PPP2R2C: variants seen among roughly 807,000 people sequenced by gnomAD.
The protein encoded by PPP2R2C is protein phosphatase 2, regulatory subunit B, gamma.
In PPP2R2C, 10 loss-of-function variants were observed where a neutral mutation model predicts 45.3. The ratio of observed to expected loss-of-function variants is 0.22; its 90% CI spans 0.14 to 0.37. The LOEUF is 0.37. PPP2R2C is among the 10% of genes least tolerant of loss of function. The pLI, the probability that PPP2R2C is intolerant of heterozygous loss-of-function variation, is 1.00. For missense variants in PPP2R2C, 308 were observed against 619.7 expected (o/e 0.50, Z 5.34); for synonymous variants, 257 against 245.4 (o/e 1.05, Z -0.44).
At chr4:6,390,873 C>T (rs531815181) in intron 1 of PPP2R2C, among the ~76,000 whole-genome samples, 1 of 152,240 alleles carries the variant, frequency 6.6e-6, no homozygotes, top group African/African-American at 2.4e-5. Context: ...TGAAGAACCC[C>T]CACATTTCAT....
intron 5 of PPP2R2C, among the ~76,000 whole-genome samples, chr4:6,369,347 A>G (rs1480098967): frequency 6.6e-6 from 1 of 152,096 alleles, no homozygotes; most frequent in Non-Finnish European, 1.5e-5. Flanking sequence ...TTTTATTCCC[A>G]CCATTTTGTG....
intron 2 of PPP2R2C, among the ~76,000 whole-genome samples, chr4:6,487,565 G>T (rs1232724405): frequency 6.6e-6 from 1 of 151,946 alleles, no homozygotes; most frequent in African/African-American, 2.4e-5. Flanking sequence ...AGAGAAATCT[G>T]CTGTAATCCA....
rs1715547255 is a variant in PPP2R2C at position 6,378,723 on chromosome 4, T to C, written c.169-151A>G. ...GGGTCAAATGAAACTCTCTGCAGCT[T>C]AACCGGCCCATGACTTGCAGTGTGC... On this transcript the variant is annotated intron_variant, in intron 2 of 8. Coordinates refer to ENST00000382599, the MANE Select transcript of PPP2R2C (RefSeq NM_020416.4). This position sits in a 1 kb window ranked among gnomAD's most constrained non-coding sequence, Gnocchi z 5.2. 1 of 856,786 alleles carries C rather than the reference T, an allele frequency of 1.2e-6. No individual in the cohort carries two copies. The highest frequency in any genetic ancestry group is 1.7e-5 in the African/African-American group (1 of 58,996). The allele number at this position is 856,786 out of a possible 1,614,324, so 53.1% of individuals were successfully genotyped here. A position where few individuals can be genotyped will look rare whatever the true frequency, so the allele number is the denominator to read the frequency against.
intron 2 of PPP2R2C, among the ~76,000 whole-genome samples, chr4:6,495,178 G>A (rs1291858600): frequency 6.6e-6 from 1 of 152,226 alleles, no homozygotes; most frequent in Non-Finnish European, 1.5e-5. Context: ...CACAGTGTGG[G>A]GTGAGTATCA....
At chr4:6,373,853 G>C (rs1467248406) in intron 4 of PPP2R2C, among the ~76,000 whole-genome samples, 5 of 152,138 alleles carry the variant, frequency 3.3e-5, no homozygotes, top group Non-Finnish European at 1.5e-5. Flanking sequence ...GCATATGAGT[G>C]TGCATGTGAG....
chr4:6,350,540 T>C, intron 5 of PPP2R2C: 2 of 985,238 alleles, frequency 2.0e-6, no homozygotes, highest in Non-Finnish European at 2.4e-6. Flanking sequence ...GTTTGCGTCA[T>C]CAGGACACTC....
At chr4:6,417,626 C>T (rs779299390) in intron 1 of PPP2R2C, among the ~76,000 whole-genome samples, 1 of 152,264 alleles carries the variant, frequency 6.6e-6, no homozygotes, top group Non-Finnish European at 1.5e-5. Flanking sequence ...TAAACATGTT[C>T]TCCTGCTGAG....
chr4:6,335,685 C>A (rs1239075045), intron 6 of PPP2R2C, among the ~76,000 whole-genome samples: 1 of 151,760 alleles, frequency 6.6e-6, no homozygotes, highest in Non-Finnish European at 1.5e-5. Flanking sequence ...GCCAGGGCTG[C>A]AGAGCCCAGG....
At chr4:6,487,986 T>G (rs574230515) in intron 2 of PPP2R2C, among the ~76,000 whole-genome samples, 2 of 152,230 alleles carry the variant, frequency 1.3e-5, no homozygotes, top group Admixed American at 1.3e-4. Flanking sequence ...GCTAATCTTT[T>G]GTTCTGCAAT....
chr4:6,445,685 C>T (rs1367742874), intron 1 of PPP2R2C, among the ~76,000 whole-genome samples: 2 of 152,202 alleles, frequency 1.3e-5, no homozygotes, highest in Non-Finnish European at 2.9e-5. Context: ...CACCACGGTA[C>T]TCTAGTCTGG....
chr4:6,509,448 A>G (rs1309129221), intron 2 of PPP2R2C, among the ~76,000 whole-genome samples: 1 of 151,764 alleles, frequency 6.6e-6, no homozygotes, highest in Non-Finnish European at 1.5e-5. Context: ...CAATAACTGC[A>G]ATGAAAAAAA....
chr4:6,525,896 G>A (rs916231065), intron 2 of PPP2R2C, among the ~76,000 whole-genome samples: 5 of 152,108 alleles, frequency 3.3e-5, no homozygotes, highest in Admixed American at 6.5e-5. Context: ...TAGATACAGC[G>A]TTTCACCATG....
At chr4:6,517,113 A>T (rs1723850459) in intron 2 of PPP2R2C, among the ~76,000 whole-genome samples, 1 of 152,170 alleles carries the variant, frequency 6.6e-6, no homozygotes, top group Non-Finnish European at 1.5e-5. Flanking sequence ...GGAGACCCTG[A>T]TGCCAATATG....
At chr4:6,483,414 T>A (rs534357647) in intron 2 of PPP2R2C, among the ~76,000 whole-genome samples, 4 of 152,230 alleles carry the variant, frequency 2.6e-5, no homozygotes, top group African/African-American at 9.6e-5. Context: ...AGTTCCAGTT[T>A]CTCCATATCC....
At chr4:6,326,288 TGGAGAGAAGAAAACGGCC>T (rs1731931061) in intron 8 of PPP2R2C, among the ~76,000 whole-genome samples, 1 of 151,422 alleles carries the variant, frequency 6.6e-6, no homozygotes, top group Admixed American at 6.6e-5. Flanking sequence ...TGGGGAAGCA[TGGAGAGAAGAAAACGGCC>T]GGAGAGAAAA....
chr4:6,425,153 G>A (rs867321339), intron 1 of PPP2R2C, among the ~76,000 whole-genome samples: 1 of 152,158 alleles, frequency 6.6e-6, no homozygotes, highest in African/African-American at 2.4e-5. Flanking sequence ...GAGAGTCAGG[G>A]GGCCTTCCCT....
At chr4:6,452,398 A>C (rs1307898067) in intron 1 of PPP2R2C, among the ~76,000 whole-genome samples, 2 of 152,030 alleles carry the variant, frequency 1.3e-5, no homozygotes. Context: ...TCACTGTCCT[A>C]GGTCTTTGTG....
intron 1 of PPP2R2C, 131 bp downstream of exon 1, chr4:6,472,024 GTGGGA>G (rs1560572986): frequency 9.3e-7 from 1 of 1,074,966 alleles, no homozygotes; most frequent in Non-Finnish European, 1.3e-6. Context: ...GTGGGGTGGG[GTGGGA>G]TGGGGTGGGG....
intron 5 of PPP2R2C, among the ~76,000 whole-genome samples, chr4:6,352,042 G>A (rs527430681): frequency 2.8e-4 from 42 of 152,298 alleles, no homozygotes; most frequent in African/African-American, 9.4e-4. Flanking sequence ...AGAAGCCTCC[G>A]GAGCACGAGA....
Sources: allele counts gnomAD v4.1 joint callset (sites outside exome capture counted in the v4.1 genomes callset), GRCh38; gene constraint gnomAD v4.1.1; non-coding constraint Gnocchi (gnomAD v3.1); transcripts MANE v1.5; gene names NCBI Gene and HGNC (gene_info 2026-07-23, HGNC 2026-07-21).